PLEKHS1: variants seen among roughly 807,000 people sequenced by gnomAD.
The protein encoded by PLEKHS1 is pleckstrin homology domain containing S1, also known as pleckstrin homology domain-containing family S member 1.
A neutral mutation model predicts 51.0 loss-of-function variants in PLEKHS1; 55 were observed. The ratio of observed to expected loss-of-function variants is 1.08; its 90% CI spans 0.87 to 1.35. The LOEUF (loss-of-function observed/expected upper bound fraction) is 1.35. Ranked by LOEUF, PLEKHS1 falls within the 40% of genes most tolerant of loss-of-function variation. The pLI is 0.00. For missense variants in PLEKHS1, 398 were observed against 423.0 expected (o/e 0.94, Z 0.52); for synonymous variants, 153 against 144.8 (o/e 1.06, Z -0.41).
chr10:113,775,518 C>T lies in PLEKHS1; in HGVS notation c.990-247C>T, dbSNP rs1844609558. The stretch of plus-strand genomic sequence containing the variant: ...TCCAGCAGAGAAATATGCAGACTGG[C>T]CTGATGTGGACAGTTACATAACCAA... On this transcript the variant is annotated intron_variant, in intron 10 of 11. Coordinates refer to ENST00000361048, the Ensembl canonical transcript of PLEKHS1. Among the ~76,000 whole-genome samples, 3 of 152,312 alleles carry T rather than the reference C, an allele frequency of 2.0e-5. No individual in the cohort carries two copies. In the South Asian group the frequency reaches 6.2e-4, roughly 32 times the overall value.
intron 7 of PLEKHS1, among the ~76,000 whole-genome samples, chr10:113,771,043 C>T (rs1844380282): frequency 6.6e-6 from 1 of 152,158 alleles, no homozygotes; most frequent in Non-Finnish European, 1.5e-5. Flanking sequence ...GGGTCTTTTC[C>T]AAACCCCCTG....
At chr10:113,767,209 C>A in intron 4 of PLEKHS1, 136 bp from the exon 5 acceptor site, 1 of 624,656 alleles carries the variant, frequency 1.6e-6, no homozygotes, top group Non-Finnish European at 2.4e-6. Flanking sequence ...AACTTATCTT[C>A]TAAAATTATT....
At chr10:113,783,339 C>A (rs769458174), downstream of PLEKHS1, 1 of 151,948 alleles carries the variant, frequency 6.6e-6, no homozygotes, top group Non-Finnish European at 1.5e-5. Flanking sequence ...TAAAATTGTT[C>A]GTGATACATT....
At chr10:113,773,373 A>G (rs1429402154) in intron 8 of PLEKHS1, among the ~76,000 whole-genome samples, 2 of 152,152 alleles carry the variant, frequency 1.3e-5, no homozygotes, top group Admixed American at 6.5e-5. Context: ...TTTGCTAGGT[A>G]CTTTATGATA....
At chr10:113,765,751 GGTTT>G (rs984564827) in intron 2 of PLEKHS1, among the ~76,000 whole-genome samples, 2 of 152,020 alleles carry the variant, frequency 1.3e-5, no homozygotes, top group Admixed American at 6.6e-5. Context: ...TTTCATTTTG[GGTTT>G]GTTTTTGTTT....
intron 1 of PLEKHS1, among the ~76,000 whole-genome samples, chr10:113,753,323 C>A (rs896399140): frequency 1.3e-5 from 2 of 152,124 alleles, no homozygotes; most frequent in East Asian, 1.9e-4. Context: ...CTGGAAAGAA[C>A]CTCATGGATT....
chr10:113,769,865 G>C (rs755159831), exon 7 of PLEKHS1: 5 of 1,613,888 alleles, frequency 3.1e-6, no homozygotes, highest in Non-Finnish European at 3.4e-6. Context: ...AGAGGCTGTT[G>C]GCTCCAGCTC....
chr10:113,778,288 G>C, intron 11 of PLEKHS1, among the ~76,000 whole-genome samples: 1 of 152,110 alleles, frequency 6.6e-6, no homozygotes, highest in Non-Finnish European at 1.5e-5. Flanking sequence ...TCTTCAACTG[G>C]AGAAGCTTAC....
intron 4 of PLEKHS1, among the ~76,000 whole-genome samples, chr10:113,767,054 T>C (rs1199205647): frequency 6.6e-6 from 1 of 152,178 alleles, no homozygotes; most frequent in Non-Finnish European, 1.5e-5. Flanking sequence ...TTAGATCAGC[T>C]TTTTTTGGTC....
intron 2 of PLEKHS1, among the ~76,000 whole-genome samples, chr10:113,763,517 C>T (rs571849869): frequency 6.6e-6 from 1 of 151,906 alleles, no homozygotes; most frequent in African/African-American, 2.4e-5. Flanking sequence ...GTTTGTTCTC[C>T]CTTTCCCCCT....
At chr10:113,767,868 C>T (rs58734589) in intron 5 of PLEKHS1, among the ~76,000 whole-genome samples, 37,203 of 151,930 alleles carry the variant, frequency 0.24, 5,273 homozygotes, top group African/African-American at 0.39. Context: ...CTTCACATGG[C>T]GTTCTCCCTG....
At chr10:113,778,792 G>C (rs1025077199) in intron 11 of PLEKHS1, among the ~76,000 whole-genome samples, 6 of 151,938 alleles carry the variant, frequency 3.9e-5, no homozygotes, top group Admixed American at 1.3e-4. Context: ...TACAGGCGCC[G>C]GCCACTACGC....
At chr10:113,752,909 T>C (rs1435967239) in intron 1 of PLEKHS1, among the ~76,000 whole-genome samples, 1 of 152,196 alleles carries the variant, frequency 6.6e-6, no homozygotes, top group Non-Finnish European at 1.5e-5. Context: ...TGTGGAGTTC[T>C]GCCAGGGGAC....
chr10:113,777,059 G>A (rs1209515302), intron 11 of PLEKHS1, 65 bp from the exon 12 acceptor site: 1 of 1,585,852 alleles, frequency 6.3e-7, no homozygotes, highest in African/African-American at 1.3e-5. Flanking sequence ...AGGAGACCCT[G>A]CGTGCCCTGC....
chr10:113,772,074 A>C, exon 8 of PLEKHS1: 2 of 1,612,628 alleles, frequency 1.2e-6, no homozygotes, highest in South Asian at 2.2e-5. Context: ...TTACTCCTCG[A>C]AGTGTTCTTT....
At chr10:113,771,197 C>T (rs1405818373) in intron 7 of PLEKHS1, 1 of 152,212 alleles carries the variant, frequency 6.6e-6, no homozygotes, top group East Asian at 1.9e-4. Context: ...ATATGATCAA[C>T]ACAACCAAAT....
At chr10:113,776,944 G>A (rs1205310391) in intron 11 of PLEKHS1, among the ~76,000 whole-genome samples, 180 bp from the exon 12 acceptor site, 1 of 152,208 alleles carries the variant, frequency 6.6e-6, no homozygotes, top group African/African-American at 2.4e-5. Context: ...ATTTGAGCTG[G>A]GCTTTGGAGG....
intron 10 of PLEKHS1, among the ~76,000 whole-genome samples, chr10:113,775,391 T>C (rs561095217): frequency 4.5e-4 from 69 of 152,376 alleles, no homozygotes; most frequent in African/African-American, 1.5e-3. Context: ...GACTTAGTTA[T>C]AGACCAGGAG....
rs11383972 is a variant in PLEKHS1, at chr10:113,771,674, C to CAAAA, written c.553-278_553-275dup. Among the ~76,000 whole-genome samples, 169 of 74,412 alleles carry CAAAA rather than the reference C, an allele frequency of 2.3e-3. 4 individuals carry two copies. The highest frequency in any genetic ancestry group is 8.3e-3 in the African/African-American group (152 of 18,268). 48.8% of individuals were successfully genotyped at this position (74,412 alleles called of 152,430 possible). A position where few individuals can be genotyped will look rare whatever the true frequency, so the allele number is the denominator to read the frequency against. On this transcript the variant is annotated intron_variant, in intron 7 of 11. Transcript: ENST00000361048. Reference sequence around the variant, plus strand: ...TGGGGGACAGAGTGAGACTCTGTCTCAAAAAAAAAAAAAAAAAAAAAGAAT... The same window carrying CAAAA: ...TGGGGGACAGAGTGAGACTCTGTCTCAAAAAAAAAAAAAAAAAAAAAAAAAGAAT...
Sources: allele counts gnomAD v4.1 joint callset (sites outside exome capture counted in the v4.1 genomes callset), GRCh38; gene constraint gnomAD v4.1.1; transcripts MANE v1.5; gene names NCBI Gene and HGNC (gene_info 2026-07-23, HGNC 2026-07-21).